The following CCDC63 variants were observed in gnomAD, a reference collection of about 807,000 sequenced individuals.
CCDC63 encodes coiled-coil domain containing 63.
Under a neutral mutation model 63.6 loss-of-function variants are expected in CCDC63, and 54 were observed. That is an observed-to-expected ratio of 0.85 (90% confidence interval 0.68 to 1.07). CCDC63 has a LOEUF of 1.07. Among genes scored for constraint, CCDC63 ranks in the 50% least tolerant of loss-of-function variants. The probability of loss-of-function intolerance (pLI) is 0.00; values close to 1 mark genes in which losing one functional copy is unlikely to be tolerated. For synonymous variants in CCDC63, 253 were observed against 266.1 expected (o/e 0.95, Z 0.48); for missense variants, 637 against 689.6 (o/e 0.92, Z 0.86).
intron 1 of CCDC63, among the ~76,000 whole-genome samples, chr12:110,847,459 G>GGGA: frequency 6.6e-6 from 1 of 151,888 alleles, no homozygotes; most frequent in African/African-American, 2.4e-5. Flanking sequence ...GAGGCTGAAG[G>GGGA]GGGAGGATCG....
chr12:110,873,575 G>A (rs2071092718), intron 4 of CCDC63, among the ~76,000 whole-genome samples: 1 of 152,208 alleles, frequency 6.6e-6, no homozygotes, highest in South Asian at 2.1e-4. Flanking sequence ...ATGCACAGGT[G>A]ACAGCAAATC....
At chr12:110,864,635 A>AG (rs2070914241) in intron 4 of CCDC63, among the ~76,000 whole-genome samples, 1 of 149,748 alleles carries the variant, frequency 6.7e-6, no homozygotes, top group African/African-American at 2.5e-5. Flanking sequence ...TGAACCTGGG[A>AG]GGGCAGGGGT....
chr12:110,867,844 CA>C (rs1314988772), intron 4 of CCDC63, among the ~76,000 whole-genome samples: 1 of 151,456 alleles, frequency 6.6e-6, no homozygotes, highest in Non-Finnish European at 1.5e-5. Flanking sequence ...AGGCGCCCCT[CA>C]CCTCCCGGAC....
At chr12:110,849,907 G>C (rs1179458639) in intron 1 of CCDC63, among the ~76,000 whole-genome samples, 1 of 152,194 alleles carries the variant, frequency 6.6e-6, no homozygotes, top group African/African-American at 2.4e-5. Flanking sequence ...ACAAAGGGAA[G>C]TGGGGTTACC....
intron 4 of CCDC63, among the ~76,000 whole-genome samples, chr12:110,859,452 G>A (rs1345870680): frequency 1.3e-5 from 2 of 151,922 alleles, no homozygotes; most frequent in African/African-American, 2.4e-5. Context: ...GATTACAGGC[G>A]TGCACCACCA....
At chr12:110,850,253 G>A (rs1364235336) in intron 1 of CCDC63, among the ~76,000 whole-genome samples, 1 of 152,212 alleles carries the variant, frequency 6.6e-6, no homozygotes, top group African/African-American at 2.4e-5. Context: ...TGATCTGGAA[G>A]TGACAGACTT....
At position 110,899,144 on chromosome 12, in the gene CCDC63, C is replaced by T. The variant is rs375120519; in HGVS notation, c.1342+19C>T. 138 of 1,595,610 alleles carry T rather than the reference C, an allele frequency of 8.6e-5. No homozygotes were observed. Among genetic ancestry groups the T allele is most frequent in the Non-Finnish European group, 1.0e-4 (118 of 1,169,824 alleles). ...TATTTTGGTGAGTCAAGCTGGGGCC[C>T]GTTGGAGTCTTAGGAAACATTTCCA... On this transcript the variant is annotated intron_variant, in intron 10 of 11. Coordinates refer to ENST00000308208, the MANE Select transcript of CCDC63 (RefSeq NM_152591.3).
chr12:110,890,630 CAG>C (rs200993403), intron 8 of CCDC63, among the ~76,000 whole-genome samples: 5,026 of 135,252 alleles, frequency 0.037, 268 homozygotes, highest in African/African-American at 0.13. Flanking sequence ...CACACATAGA[CAG>C]ACACACACAC....
chr12:110,892,333 T>C (rs139665327), intron 8 of CCDC63, among the ~76,000 whole-genome samples: 1 of 152,178 alleles, frequency 6.6e-6, no homozygotes, highest in African/African-American at 2.4e-5. Context: ...CCCAGCACTT[T>C]GGGAGGCTGA....
intron 8 of CCDC63, among the ~76,000 whole-genome samples, chr12:110,888,851 T>TTCCTTCCTTCCTTCCTTCCC (rs1260326953): frequency 5.0e-5 from 4 of 80,454 alleles, no homozygotes; most frequent in African/African-American, 1.6e-4. Flanking sequence ...CCTTCCTTCC[T>TTCCTTCCTTCCTTCCTTCCC]TCCTTCCTTC....
chr12:110,858,392 A>G (rs2070806211), intron 3 of CCDC63, among the ~76,000 whole-genome samples, 194 bp from the exon 4 acceptor site: 1 of 152,092 alleles, frequency 6.6e-6, no homozygotes, highest in African/African-American at 2.4e-5. Flanking sequence ...GGCAGCAGGA[A>G]ATCATGGTGA....
At chr12:110,874,404 T>G (rs1427338498) in intron 5 of CCDC63, among the ~76,000 whole-genome samples, 1 of 152,214 alleles carries the variant, frequency 6.6e-6, no homozygotes, top group Admixed American at 6.5e-5. Flanking sequence ...AAGGTGACAC[T>G]GATCATCCTC....
chr12:110,854,627 G>A (rs1052778719), intron 3 of CCDC63, among the ~76,000 whole-genome samples: 3 of 151,860 alleles, frequency 2.0e-5, no homozygotes, highest in Non-Finnish European at 4.4e-5. Flanking sequence ...ACAGAAAGGT[G>A]TTCCCTGGGG....
intron 3 of CCDC63, among the ~76,000 whole-genome samples, chr12:110,856,081 T>C (rs968468728): frequency 5.3e-4 from 80 of 151,632 alleles, no homozygotes; most frequent in African/African-American, 1.6e-3. Context: ...AACCTCTTTT[T>C]TTTTTCTTTT....
chr12:110,887,746 G>A (rs1160363787), intron 8 of CCDC63, among the ~76,000 whole-genome samples: 1 of 151,778 alleles, frequency 6.6e-6, no homozygotes, highest in African/African-American at 2.4e-5. Context: ...CTACAGGCGC[G>A]CGCCACCACG....
chr12:110,886,614 GCC>G (rs1028312614), intron 8 of CCDC63, among the ~76,000 whole-genome samples: 2 of 152,134 alleles, frequency 1.3e-5, no homozygotes, highest in African/African-American at 2.4e-5. Flanking sequence ...TTAGGGACGG[GCC>G]CAGGGGGTGG....
At chr12:110,898,579 C>T (rs185642709) in intron 9 of CCDC63, among the ~76,000 whole-genome samples, 1 of 148,486 alleles carries the variant, frequency 6.7e-6, no homozygotes, top group Admixed American at 6.7e-5. Flanking sequence ...GATCATGCCA[C>T]TGCACTCTGG....
intron 1 of CCDC63, among the ~76,000 whole-genome samples, chr12:110,849,490 C>G (rs2070679008): frequency 7.2e-6 from 1 of 138,682 alleles, no homozygotes; most frequent in Non-Finnish European, 1.5e-5. Flanking sequence ...CGAACAAGCT[C>G]TTATTTCCTT....
intron 3 of CCDC63, among the ~76,000 whole-genome samples, chr12:110,854,941 G>A (rs2070752453): frequency 6.6e-6 from 1 of 152,144 alleles, no homozygotes; most frequent in African/African-American, 2.4e-5. Flanking sequence ...TGGGATCACA[G>A]GCGTGTGCCA....
Sources: gnomAD v4.1 joint callset for allele counts (sites outside exome capture counted in the v4.1 genomes callset) on GRCh38, gnomAD v4.1.1 for gene constraint, MANE v1.5 for transcripts, NCBI Gene and HGNC (gene_info 2026-07-23, HGNC 2026-07-21) for gene names.